The following COP1 variants were observed in gnomAD, a reference collection of about 807,000 sequenced individuals.
COP1 encodes COP1 E3 ubiquitin ligase, also known as E3 ubiquitin-protein ligase COP1.
In COP1, 24 loss-of-function variants were observed where a neutral mutation model predicts 101.3. The ratio of observed to expected loss-of-function variants is 0.24; its 90% CI spans 0.17 to 0.33. COP1 has a LOEUF of 0.33. Ranked by LOEUF, COP1 falls within the 10% of genes least tolerant of loss-of-function variation. The pLI is 1.00. For synonymous variants in COP1, 347 were observed against 341.9 expected, an observed-to-expected ratio of 1.01 and a Z score of -0.17; for missense variants, 663 against 906.2, an observed-to-expected ratio of 0.73 and a Z score of 3.45.
intron 15 of COP1, among the ~76,000 whole-genome samples, chr1:175,990,038 C>T (rs1022547165): frequency 6.6e-6 from 1 of 151,816 alleles, no homozygotes; most frequent in Admixed American, 6.6e-5. Flanking sequence ...CTTCCTTCTG[C>T]TTGTCTTCAG....
intron 14 of COP1, among the ~76,000 whole-genome samples, chr1:176,028,883 G>A (rs375256995): frequency 1.7e-4 from 25 of 150,934 alleles, no homozygotes; most frequent in African/African-American, 1.2e-4. Context: ...TCAGCCTCCC[G>A]GGTAGCTAGG....
intron 14 of COP1, among the ~76,000 whole-genome samples, chr1:176,029,098 C>A (rs1010306325): frequency 3.3e-5 from 5 of 152,118 alleles, no homozygotes; most frequent in African/African-American, 1.2e-4. Context: ...TACTGATATA[C>A]ATCATAAATA....
intron 15 of COP1, among the ~76,000 whole-genome samples, chr1:176,001,996 C>T (rs1022188466): frequency 1.3e-5 from 2 of 152,078 alleles, no homozygotes; most frequent in Non-Finnish European, 2.9e-5. Flanking sequence ...CTGGTACTTG[C>T]TGAGCAACTT....
intron 11 of COP1, among the ~76,000 whole-genome samples, chr1:176,059,455 T>C (rs946071126): frequency 6.6e-6 from 1 of 152,086 alleles, no homozygotes; most frequent in African/African-American, 2.4e-5. Flanking sequence ...TTTTAAAAAT[T>C]TGTAGTTAGG....
chr1:175,980,743 A>G (rs1315466970), intron 18 of COP1, among the ~76,000 whole-genome samples: 1 of 152,012 alleles, frequency 6.6e-6, no homozygotes, highest in Non-Finnish European at 1.5e-5. Flanking sequence ...GAGCTAAAGG[A>G]GTAATAAGTG....
chr1:176,060,897 G>A (rs1056631357), intron 11 of COP1, among the ~76,000 whole-genome samples: 13 of 152,204 alleles, frequency 8.5e-5, no homozygotes, highest in African/African-American at 3.1e-4. Flanking sequence ...TTTAAAAAAT[G>A]TGAGTTTTAC....
chr1:176,021,907 A>G (rs574803903), intron 15 of COP1, among the ~76,000 whole-genome samples: 7 of 152,244 alleles, frequency 4.6e-5, no homozygotes, highest in Non-Finnish European at 1.0e-4. Context: ...TCTAGCTGAC[A>G]GATTCCATCT....
chr1:176,007,645 T>G (rs1272721160), intron 15 of COP1, among the ~76,000 whole-genome samples: 4 of 148,548 alleles, frequency 2.7e-5, no homozygotes, highest in Non-Finnish European at 5.9e-5. Flanking sequence ...TGTCTCCCAG[T>G]TAGGCTGCTC....
intron 9 of COP1, among the ~76,000 whole-genome samples, chr1:176,096,321 G>A (rs1403745421): frequency 6.6e-6 from 1 of 151,934 alleles, no homozygotes; most frequent in East Asian, 1.9e-4. Flanking sequence ...AATACTGGAG[G>A]TGGTCCACAC....
At chr1:176,090,212 C>G (rs77928756) in intron 9 of COP1, among the ~76,000 whole-genome samples, 2,417 of 152,180 alleles carry the variant, frequency 0.016, 34 homozygotes, top group Non-Finnish European at 0.023. Context: ...GTTCCCACCC[C>G]CTGTCCCTGC....
chr1:176,163,934 T>A, intron 3 of COP1, 43 bp from the exon 4 acceptor site: 1 of 1,366,270 alleles, frequency 7.3e-7, no homozygotes, highest in Non-Finnish European at 1.0e-6. Context: ...AATTTGTATT[T>A]TTGTTAAATG....
intron 18 of COP1, among the ~76,000 whole-genome samples, chr1:175,966,182 G>C (rs1484468756): frequency 6.6e-6 from 1 of 151,932 alleles, no homozygotes. Context: ...TCAATAAAAG[G>C]TCTTGGTCTT....
intron 8 of COP1, among the ~76,000 whole-genome samples, chr1:176,123,025 C>T (rs150411288): frequency 2.0e-5 from 3 of 152,140 alleles, no homozygotes; most frequent in Admixed American, 1.3e-4. Flanking sequence ...CATTACACAA[C>T]GTGGTTTATT....
intron 15 of COP1, among the ~76,000 whole-genome samples, chr1:176,007,258 A>G (rs974566806): frequency 6.6e-6 from 1 of 152,120 alleles, no homozygotes; most frequent in Admixed American, 6.5e-5. Context: ...AATTTTTTTC[A>G]ATGTTTTCAA....
At position 176,027,579 on chromosome 1, in the gene COP1, G is replaced by A. The variant is rs1439467881; in HGVS notation, c.1722C>T (p.Gly574=). ...TCTGCTTTCATTTCTTACCTGCACA[G>A]CCGAAAGCCAAATGGTATCTGGAAG... ...SPSSRYHLAF[G]CADHCVHYYD... The change falls in exon 15 of 20, where the codon GGC becomes GGT. Residue 574 remains glycine, a synonymous_variant. Coordinates refer to ENST00000367669, the MANE Select transcript of COP1 (RefSeq NM_022457.7). 1.7e-5 allele frequency: 27 copies of A among 1,605,246 alleles called. No homozygotes were observed. Among genetic ancestry groups the A allele is most frequent in the Non-Finnish European group, 2.2e-5 (26 of 1,172,304 alleles).
Position 176,007,063 on chromosome 1 carries a change from T to C in COP1, c.1730-17584A>G, listed in dbSNP as rs535139567. ...TTGCTCATTTCTTTTTATTCTTTTT[T>C]CTCTAAACTTCCCATCTCGCTTCAT... On this transcript the variant is annotated intron_variant, in intron 15 of 19. Transcript: ENST00000367669. 2.0e-5 allele frequency among the ~76,000 whole-genome samples: 3 copies of C among 152,294 alleles called. No individual in the cohort carries two copies. The East Asian group carries it at 5.8e-4, about 29-fold the overall frequency.
intron 6 of COP1, among the ~76,000 whole-genome samples, chr1:176,140,852 G>A (rs1690566569): frequency 6.6e-6 from 1 of 152,158 alleles, no homozygotes; most frequent in Non-Finnish European, 1.5e-5. Context: ...GGAGAACTAA[G>A]ACAATGCTAT....
intron 6 of COP1, among the ~76,000 whole-genome samples, chr1:176,147,229 G>A (rs1407400222): frequency 6.6e-6 from 1 of 152,000 alleles, no homozygotes; most frequent in Non-Finnish European, 1.5e-5. Flanking sequence ...AGACTTACAT[G>A]GAAGAAGAAA....
Position 176,207,247 on chromosome 1 carries a change from C to A in COP1, c.-269G>T, listed in dbSNP as rs1700961656. 3 of 395,818 alleles carry A rather than the reference C, an allele frequency of 7.6e-6. No individual in the cohort carries two copies. The highest frequency in any genetic ancestry group is 1.3e-5 in the Non-Finnish European group (3 of 224,388). The allele number at this position is 395,818 out of a possible 1,614,324, so 24.5% of individuals were successfully genotyped here. ...CCACCGCGGTCCCTGTAGCAGCCAA[C>A]CCCGGCGCGCCGTGGCCGGCCGTGC... On this transcript the variant is annotated 5_prime_UTR_variant, in exon 1 of 20. Transcript: ENST00000367669.
Sources: gnomAD v4.1 joint callset for allele counts (sites outside exome capture counted in the v4.1 genomes callset) on GRCh38, gnomAD v4.1.1 for gene constraint, MANE v1.5 for transcripts, NCBI Gene and HGNC (gene_info 2026-07-23, HGNC 2026-07-21) for gene names.